Variants in NALCN observed in about 807,000 individuals in gnomAD.
The protein encoded by NALCN is sodium leak channel NALCN.
NALCN carries 111 observed loss-of-function variants against 225.3 expected under a neutral mutation model. The observed-to-expected ratio is 0.49, with a 90% CI of 0.42 to 0.58. The LOEUF (loss-of-function observed/expected upper bound fraction) is 0.58, where lower values mean the gene tolerates loss of function less well. Among genes scored for constraint, NALCN ranks in the 20% least tolerant of loss-of-function variants. The pLI is 0.00. For missense variants in NALCN, 1,378 were observed against 2,202.4 expected (o/e 0.63, Z 7.49); for synonymous variants, 764 against 769.0 (o/e 0.99, Z 0.11).
chr13:101,319,249 T>C (rs2139183931), intron 7 of NALCN, among the ~76,000 whole-genome samples: 1 of 152,304 alleles, frequency 6.6e-6, no homozygotes, highest in South Asian at 2.1e-4. Flanking sequence ...TAACCTGCTA[T>C]AGTCAGGGAA....
intron 22 of NALCN, among the ~76,000 whole-genome samples, chr13:101,106,071 G>T (rs2035079607): frequency 6.6e-6 from 1 of 152,140 alleles, no homozygotes. Flanking sequence ...CAGCTGAGTT[G>T]GTTCTTTCTG....
intron 17 of NALCN, among the ~76,000 whole-genome samples, chr13:101,136,312 TTA>T (rs68139649): frequency 0.67 from 100,156 of 148,674 alleles, 35,817 homozygotes; most frequent in Non-Finnish European, 0.82. Flanking sequence ...ATTTATTTAT[TTA>T]TATATTATAC....
At chr13:101,268,201 G>C (rs536005114) in intron 10 of NALCN, among the ~76,000 whole-genome samples, 1 of 152,292 alleles carries the variant, frequency 6.6e-6, no homozygotes, top group African/African-American at 2.4e-5. Context: ...ATCTCTGACT[G>C]CAGTGGGAGT....
intron 13 of NALCN, 72 bp from the exon 14 acceptor site, chr13:101,192,126 G>A (rs2039707174): frequency 2.0e-6 from 3 of 1,512,598 alleles, no homozygotes; most frequent in Non-Finnish European, 2.7e-6. Flanking sequence ...AGCATGTGAT[G>A]TTTGAAGACT....
intron 18 of NALCN, among the ~76,000 whole-genome samples, chr13:101,111,577 C>G (rs544777632): frequency 6.6e-6 from 1 of 152,136 alleles, no homozygotes; most frequent in African/African-American, 2.4e-5. Context: ...TTGGCTTTGT[C>G]CCCACCCAAA....
intron 18 of NALCN, among the ~76,000 whole-genome samples, chr13:101,121,757 G>A (rs547269902): frequency 6.6e-6 from 1 of 152,226 alleles, no homozygotes; most frequent in Non-Finnish European, 1.5e-5. Context: ...AAATGCAAAT[G>A]GTCCTGGGAG....
intron 1 of NALCN, among the ~76,000 whole-genome samples, chr13:101,403,113 C>A (rs1012641797): frequency 6.6e-6 from 1 of 152,176 alleles, no homozygotes; most frequent in African/African-American, 2.4e-5. Context: ...GCCCAGAAAA[C>A]CTCAGTGTAT....
chr13:101,251,958 G>A (rs1015739125), intron 11 of NALCN, among the ~76,000 whole-genome samples: 1 of 152,084 alleles, frequency 6.6e-6, no homozygotes, highest in Non-Finnish European at 1.5e-5. Flanking sequence ...TTGGAAACAC[G>A]GATTTAATAA....
intron 11 of NALCN, among the ~76,000 whole-genome samples, chr13:101,254,417 A>C (rs1460416862): frequency 6.6e-6 from 1 of 151,458 alleles, no homozygotes; most frequent in South Asian, 2.1e-4. Context: ...CAACAAAAAA[A>C]CCCCAAAACC....
intron 12 of NALCN, among the ~76,000 whole-genome samples, chr13:101,232,029 C>T (rs1158034383): frequency 4.1e-5 from 6 of 147,798 alleles, no homozygotes; most frequent in African/African-American, 1.5e-4. Context: ...CCAACGGGTA[C>T]TGCTGTAAGA....
chr13:101,320,198 C>G (rs763810910), intron 7 of NALCN, among the ~76,000 whole-genome samples: 1 of 152,168 alleles, frequency 6.6e-6, no homozygotes, highest in Non-Finnish European at 1.5e-5. Context: ...AAGTCTTACA[C>G]GTATGCGACA....
chr13:101,305,162 C>T (rs1181752114), intron 7 of NALCN, among the ~76,000 whole-genome samples: 1 of 152,142 alleles, frequency 6.6e-6, no homozygotes, highest in African/African-American at 2.4e-5. Flanking sequence ...ATTCATTCAA[C>T]AAGATTAGGA....
chr13:101,212,990 A>G (rs1056419793), intron 13 of NALCN, among the ~76,000 whole-genome samples: 1 of 152,126 alleles, frequency 6.6e-6, no homozygotes, highest in African/African-American at 2.4e-5. Context: ...CATTGCCAAG[A>G]CAATCCTAAG....
intron 7 of NALCN, among the ~76,000 whole-genome samples, chr13:101,308,349 C>A (rs897166363): frequency 2.0e-5 from 3 of 152,176 alleles, no homozygotes; most frequent in South Asian, 2.1e-4. Flanking sequence ...AAGCCATCTA[C>A]AAAAACTCCT....
chr13:101,286,864 TACACACACACACACAC>T (rs71121180), intron 9 of NALCN, among the ~76,000 whole-genome samples: 26 of 147,058 alleles, frequency 1.8e-4, no homozygotes, highest in Middle Eastern at 3.5e-3. Flanking sequence ...CCAGGTATTA[TACACACACACACACAC>T]ACACACACAC....
chr13:101,071,216 A>G (rs1232572973), intron 37 of NALCN, among the ~76,000 whole-genome samples: 2 of 152,236 alleles, frequency 1.3e-5, no homozygotes, highest in Non-Finnish European at 2.9e-5. Flanking sequence ...GTAAATGAGC[A>G]TTGGCTTCCA....
rs183696511 is a variant in NALCN, at chr13:101,244,856, C to T, written c.1267-6934G>A. Among the ~76,000 whole-genome samples the T allele has an allele frequency of 3.9e-3, 595 of 152,300 alleles. 2 individuals carry two copies. Among genetic ancestry groups the T allele is most frequent in the South Asian group, 0.015 (71 of 4,824 alleles). ...AAGCAGTGGAGGCAAGCTCTAGTAACCACTTCTCAATGTGCAGCTCCAGAT... is the reference window on the plus strand; with the variant it reads ...AAGCAGTGGAGGCAAGCTCTAGTAATCACTTCTCAATGTGCAGCTCCAGAT... On this transcript the variant is annotated intron_variant, in intron 11 of 43. Coordinates refer to ENST00000251127, the MANE Select transcript of NALCN (RefSeq NM_052867.4).
chr13:101,223,756 G>A (rs567883566), intron 13 of NALCN, among the ~76,000 whole-genome samples: 1 of 152,202 alleles, frequency 6.6e-6, no homozygotes, highest in Admixed American at 6.5e-5. Flanking sequence ...AACCTTTAAT[G>A]CTCAGCCCCT....
chr13:101,163,195 G>C (rs2038271813), intron 15 of NALCN, among the ~76,000 whole-genome samples: 1 of 151,108 alleles, frequency 6.6e-6, no homozygotes, highest in South Asian at 2.1e-4. Flanking sequence ...GAGTCACCAT[G>C]CCTGGCCTAT....
Sources: allele counts gnomAD v4.1 joint callset (sites outside exome capture counted in the v4.1 genomes callset), GRCh38; gene constraint gnomAD v4.1.1; transcripts MANE v1.5; gene names NCBI Gene and HGNC (gene_info 2026-07-23, HGNC 2026-07-21).